CSMD1: variants seen among roughly 807,000 people sequenced by gnomAD.
CSMD1 encodes the protein CUB and sushi domain-containing protein 1.
In CSMD1, 213 loss-of-function variants were observed where a neutral mutation model predicts 417.5. The observed-to-expected ratio is 0.51, with a 90% CI of 0.46 to 0.57. CSMD1 has a LOEUF of 0.57. Ranked by LOEUF, CSMD1 falls within the 20% of genes least tolerant of loss-of-function variation. CSMD1 has a pLI of 0.00. For synonymous variants in CSMD1, 2,862 were observed against 1,736.8 expected (o/e 1.65, Z -16.11); for missense variants, 6,923 against 4,529.7 (o/e 1.53, Z -15.17).
intron 3 of CSMD1, among the ~76,000 whole-genome samples, chr8:4,327,267 C>T (rs548305342): frequency 6.6e-6 from 1 of 152,164 alleles, no homozygotes; most frequent in Non-Finnish European, 1.5e-5. Context: ...ATTTTACAGT[C>T]AATTGCTCTT....
intron 3 of CSMD1, among the ~76,000 whole-genome samples, chr8:4,400,717 C>T (rs528473825): frequency 1.4e-5 from 2 of 147,034 alleles, no homozygotes; most frequent in East Asian, 4.0e-4. Context: ...TTAATGGACA[C>T]TTTGTTTCTA....
intron 3 of CSMD1, among the ~76,000 whole-genome samples, chr8:4,141,657 A>T (rs1472600593): frequency 1.3e-5 from 1 of 77,090 alleles, no homozygotes; most frequent in Non-Finnish European, 3.9e-5. Context: ...TTAAATCTCC[A>T]GATCTCTAAA....
intron 2 of CSMD1, among the ~76,000 whole-genome samples, chr8:4,510,334 G>A (rs541144193): frequency 3.1e-5 from 4 of 129,642 alleles, no homozygotes; most frequent in Non-Finnish European, 4.7e-5. Flanking sequence ...ATATTTCCCA[G>A]GTTAGCCATA....
intron 3 of CSMD1, among the ~76,000 whole-genome samples, chr8:4,396,533 A>G (rs1804227937): frequency 1.3e-5 from 2 of 152,098 alleles, no homozygotes; most frequent in Admixed American, 1.3e-4. Context: ...AGATACTTGC[A>G]CAGTTAAGTT....
At chr8:3,475,023 C>T (rs1817326282) in intron 11 of CSMD1, among the ~76,000 whole-genome samples, 1 of 152,152 alleles carries the variant, frequency 6.6e-6, no homozygotes, top group South Asian at 2.1e-4. Context: ...CAGCTCCAGC[C>T]ATATTTATTT....
At chr8:3,623,602 T>C (rs938687238) in intron 7 of CSMD1, among the ~76,000 whole-genome samples, 3 of 152,194 alleles carry the variant, frequency 2.0e-5, no homozygotes, top group Admixed American at 2.0e-4. Flanking sequence ...TTTTTAAATG[T>C]AATCCTTATA....
rs187020623 is a variant in CSMD1 at position 4,017,055 on chromosome 8, T to C, written c.610+14850A>G. On this transcript the variant is annotated intron_variant, in intron 4 of 69. Transcript: ENST00000635120. ...CATCATAAAGGAACAAAAGCAGATA[T>C]TCATCCGGAGGCAAGACTTCAGAAT... Among the ~76,000 whole-genome samples, 9 of 152,300 alleles carry C rather than the reference T, an allele frequency of 5.9e-5. No homozygotes were observed. In the East Asian group the frequency reaches 1.2e-3, roughly 20 times the overall value.
chr8:3,067,403 C>T (rs1184213063), intron 49 of CSMD1, among the ~76,000 whole-genome samples: 2 of 152,084 alleles, frequency 1.3e-5, no homozygotes, highest in Non-Finnish European at 2.9e-5. Flanking sequence ...CAGGCTCATG[C>T]TTCTTTCAAG....
intron 3 of CSMD1, among the ~76,000 whole-genome samples, chr8:4,287,117 GTTC>G (rs1797104676): frequency 6.6e-6 from 1 of 152,136 alleles, no homozygotes; most frequent in Non-Finnish European, 1.5e-5. Flanking sequence ...ACAAACAAGG[GTTC>G]TTCAACACCT....
intron 5 of CSMD1, among the ~76,000 whole-genome samples, chr8:3,903,987 G>A (rs1807943379): frequency 6.6e-6 from 1 of 151,938 alleles, no homozygotes; most frequent in African/African-American, 2.4e-5. Flanking sequence ...GTAGTTTCTT[G>A]ATTAATGTCC....
chr8:4,282,432 C>A (rs1475598920), intron 3 of CSMD1, among the ~76,000 whole-genome samples: 1 of 152,196 alleles, frequency 6.6e-6, no homozygotes, highest in Non-Finnish European at 1.5e-5. Flanking sequence ...CTTCTCCAAG[C>A]AAGGTCCTAT....
intron 12 of CSMD1, among the ~76,000 whole-genome samples, chr8:3,423,614 C>T (rs1003437426): frequency 8.5e-5 from 13 of 152,142 alleles, no homozygotes; most frequent in Admixed American, 2.6e-4. Flanking sequence ...GGCTTTGGCA[C>T]CATTTGTCTA....
At chr8:3,478,165 G>A (rs1817535575) in intron 11 of CSMD1, among the ~76,000 whole-genome samples, 1 of 152,180 alleles carries the variant, frequency 6.6e-6, no homozygotes. Flanking sequence ...ATTACAGCCA[G>A]GTGGCACAGA....
chr8:4,870,615 A>T (rs1286683527), intron 1 of CSMD1, among the ~76,000 whole-genome samples: 1 of 152,094 alleles, frequency 6.6e-6, no homozygotes, highest in Non-Finnish European at 1.5e-5. Flanking sequence ...TGGATACTTT[A>T]TTAGGAGGTA....
At chr8:3,541,465 C>G (rs371618678) in intron 10 of CSMD1, among the ~76,000 whole-genome samples, 1 of 151,782 alleles carries the variant, frequency 6.6e-6, no homozygotes, top group East Asian at 1.9e-4. Flanking sequence ...TGTAACAAAC[C>G]ACCATGGTTC....
intron 3 of CSMD1, among the ~76,000 whole-genome samples, chr8:4,301,063 C>G (rs1797956023): frequency 6.6e-6 from 1 of 152,140 alleles, no homozygotes; most frequent in South Asian, 2.1e-4. Context: ...GGAGCCAAAT[C>G]AGGACTGTAA....
intron 8 of CSMD1, among the ~76,000 whole-genome samples, chr8:3,607,008 C>T (rs1245581013): frequency 6.6e-6 from 1 of 152,156 alleles, no homozygotes; most frequent in Non-Finnish European, 1.5e-5. Context: ...CCGTGCCTGG[C>T]CTACCGTGTT....
At chr8:4,134,837 A>C (rs953677081) in intron 3 of CSMD1, among the ~76,000 whole-genome samples, 3 of 152,278 alleles carry the variant, frequency 2.0e-5, no homozygotes, top group East Asian at 1.9e-4. Flanking sequence ...TTGGCTGTTG[A>C]AAATCGTTTG....
intron 46 of CSMD1, among the ~76,000 whole-genome samples, chr8:3,097,833 G>A (rs1815431719): frequency 1.3e-5 from 2 of 152,180 alleles, no homozygotes; most frequent in African/African-American, 4.8e-5. Context: ...ACCCTGGGAA[G>A]AGGAAGAATT....
Sources: gnomAD v4.1 joint callset for allele counts (sites outside exome capture counted in the v4.1 genomes callset) on GRCh38, gnomAD v4.1.1 for gene constraint, MANE v1.5 for transcripts, NCBI Gene and HGNC (gene_info 2026-07-23, HGNC 2026-07-21) for gene names.